Variants in ASTN2 observed in about 807,000 individuals in gnomAD.
ASTN2 encodes the protein astrotactin-2.
A neutral mutation model predicts 139.8 loss-of-function variants in ASTN2; 54 were observed. The observed-to-expected ratio is 0.39, with a 90% CI of 0.31 to 0.48. The LOEUF is 0.48. Among genes scored for constraint, ASTN2 ranks in the 20% least tolerant of loss-of-function variants. ASTN2 has a pLI of 0.95. For synonymous variants in ASTN2, 756 were observed against 719.5 expected, an observed-to-expected ratio of 1.05 and a Z score of -0.81; for missense variants, 1,565 against 1,725.1, an observed-to-expected ratio of 0.91 and a Z score of 1.64.
chr9:117,316,510 G>A (rs1395460814), intron 1 of ASTN2, among the ~76,000 whole-genome samples: 1 of 152,146 alleles, frequency 6.6e-6, no homozygotes, highest in Non-Finnish European at 1.5e-5. Context: ...TCATGTGACG[G>A]CTCATCGACA....
intron 18 of ASTN2, among the ~76,000 whole-genome samples, chr9:116,619,758 T>C (rs985869995): frequency 1.4e-5 from 2 of 145,058 alleles, no homozygotes; most frequent in African/African-American, 5.1e-5. Flanking sequence ...TCTCAATTCC[T>C]GGCCTCAAGA....
chr9:117,302,090 G>A (rs1351713523), intron 1 of ASTN2, among the ~76,000 whole-genome samples: 1 of 151,572 alleles, frequency 6.6e-6, no homozygotes, highest in Non-Finnish European at 1.5e-5. Context: ...AAAAGTGGTG[G>A]GGGTGGGAGG....
rs551715318 is a variant in ASTN2 at position 117,233,246 on chromosome 9, G to A, written c.631-18504C>T. On this transcript the variant is annotated intron_variant, in intron 2 of 22. Coordinates refer to ENST00000313400, the MANE Select transcript of ASTN2 (RefSeq NM_001365068.1). ...TCCCCCAAGCGAGCATGTGTTCCTC[G>A]CTCCAAAGCAGGAAATCAAACAAAA... Among the ~76,000 whole-genome samples, 17 of 152,242 alleles carry A rather than the reference G, an allele frequency of 1.1e-4. No individual in the cohort carries two copies. The South Asian group carries it at 1.5e-3, about 13-fold the overall frequency.
At chr9:116,852,346 C>T (rs1044023574) in intron 11 of ASTN2, among the ~76,000 whole-genome samples, 4 of 152,232 alleles carry the variant, frequency 2.6e-5, no homozygotes, top group Non-Finnish European at 1.5e-5. Flanking sequence ...GCAATTTGTC[C>T]AAAGTCACAC....
intron 18 of ASTN2, 69 bp from the exon 19 acceptor site, chr9:116,618,541 T>G: frequency 6.7e-7 from 1 of 1,498,156 alleles, no homozygotes; most frequent in Non-Finnish European, 8.9e-7. Flanking sequence ...AGAATCCGCA[T>G]GTGTCAAGAT....
intron 16 of ASTN2, among the ~76,000 whole-genome samples, chr9:116,717,089 G>C (rs1828332243): frequency 6.6e-6 from 1 of 152,218 alleles, no homozygotes; most frequent in African/African-American, 2.4e-5. Context: ...CTGAGCCTCA[G>C]TTTCCTCAAG....
intron 1 of ASTN2, among the ~76,000 whole-genome samples, chr9:117,401,720 G>A (rs1048603431): frequency 1.3e-5 from 2 of 152,106 alleles, no homozygotes; most frequent in African/African-American, 4.8e-5. Flanking sequence ...GCAGCCACAG[G>A]CAACACATAA....
chr9:116,804,123 C>T (rs551524898), intron 13 of ASTN2, among the ~76,000 whole-genome samples: 2 of 152,222 alleles, frequency 1.3e-5, no homozygotes, highest in African/African-American at 4.8e-5. Context: ...AGAGGAGATT[C>T]TCAAAGAGTA....
chr9:117,348,392 T>C (rs1038090302), intron 1 of ASTN2, among the ~76,000 whole-genome samples: 1 of 152,148 alleles, frequency 6.6e-6, no homozygotes, highest in South Asian at 2.1e-4. Flanking sequence ...ATCCAAGAGA[T>C]GTTAGGCAGT....
intron 11 of ASTN2, among the ~76,000 whole-genome samples, chr9:116,856,139 T>G (rs1000574612): frequency 6.6e-6 from 1 of 152,168 alleles, no homozygotes; most frequent in Non-Finnish European, 1.5e-5. Flanking sequence ...CCTGCTGCCT[T>G]TGCATCTTTC....
intron 20 of ASTN2, among the ~76,000 whole-genome samples, chr9:116,449,053 C>CTA (rs1240958518): frequency 6.6e-6 from 1 of 152,220 alleles, no homozygotes; most frequent in Admixed American, 6.5e-5. Context: ...CTACAACCTA[C>CTA]TATCCTTATG....
intron 1 of ASTN2, among the ~76,000 whole-genome samples, chr9:117,349,929 G>C (rs974105211): frequency 1.3e-5 from 2 of 152,096 alleles, no homozygotes; most frequent in African/African-American, 4.8e-5. Context: ...TAGACATAAG[G>C]ATTAAATGCA....
At position 117,038,586 on chromosome 9, in the gene ASTN2, A is replaced by G. The variant is rs183204805; in HGVS notation, c.1423+1233T>C. Among the ~76,000 whole-genome samples, 940 of 152,322 alleles carry G rather than the reference A, an allele frequency of 6.2e-3. 2 individuals carry two copies. The highest frequency in any genetic ancestry group is 0.024 in the Middle Eastern group (7 of 294). ...TGGGTATTTACTTATCTTCAAACTC[A>G]TCGAGACATATATATTTTAAAAAGT... is the stretch of plus-strand genomic sequence containing the variant. On this transcript the variant is annotated intron_variant, in intron 6 of 22. Coordinates refer to ENST00000313400, the MANE Select transcript of ASTN2 (RefSeq NM_001365068.1).
Position 117,065,336 on chromosome 9 carries a change from C to G in ASTN2, c.1277-25371G>C, listed in dbSNP as rs377644376. Among the ~76,000 whole-genome samples the G allele has an allele frequency of 6.6e-5, 10 of 152,302 alleles. No homozygotes were observed. In the South Asian group the frequency reaches 1.5e-3, roughly 22 times the overall value. ...GCAGCCACAGAAAACTAATATCCCC[C>G]TCCTGGAGTGCCTTTCCTCACATCC... On this transcript the variant is annotated intron_variant, in intron 5 of 22. Coordinates refer to ENST00000313400, the MANE Select transcript of ASTN2 (RefSeq NM_001365068.1).
chr9:117,045,959 T>C (rs1163415888), intron 5 of ASTN2, among the ~76,000 whole-genome samples: 1 of 22,524 alleles, frequency 4.4e-5, no homozygotes, highest in African/African-American at 1.0e-4. Context: ...GGCTTTTGTA[T>C]GTATGTATGT....
chr9:116,818,659 T>C (rs1831402762), intron 12 of ASTN2, among the ~76,000 whole-genome samples: 1 of 152,232 alleles, frequency 6.6e-6, no homozygotes, highest in South Asian at 2.1e-4. Context: ...GCAAATGTTA[T>C]TAGAATCACT....
intron 10 of ASTN2, among the ~76,000 whole-genome samples, chr9:116,881,740 C>T (rs1051005295): frequency 1.3e-5 from 2 of 152,152 alleles, no homozygotes; most frequent in Non-Finnish European, 2.9e-5. Flanking sequence ...ACCTCAATTG[C>T]CTACAAAGAG....
intron 2 of ASTN2, among the ~76,000 whole-genome samples, chr9:117,250,497 A>G (rs932719711): frequency 1.3e-5 from 2 of 152,210 alleles, no homozygotes; most frequent in Admixed American, 6.5e-5. Context: ...TTATTAATGG[A>G]TAGTTTTAGA....
chr9:117,073,783 C>T (rs903972853), intron 5 of ASTN2, among the ~76,000 whole-genome samples: 1 of 152,150 alleles, frequency 6.6e-6, no homozygotes, highest in African/African-American at 2.4e-5. Context: ...TTCTCTGTTA[C>T]AAACACCTCA....
Sources: gnomAD v4.1 joint callset for allele counts (sites outside exome capture counted in the v4.1 genomes callset) on GRCh38, gnomAD v4.1.1 for gene constraint, MANE v1.5 for transcripts, NCBI Gene and HGNC (gene_info 2026-07-23, HGNC 2026-07-21) for gene names.